Variants in ADAM32 observed in about 807,000 individuals in gnomAD.
ADAM32 encodes ADAM metallopeptidase domain 32.
A neutral mutation model predicts 114.9 loss-of-function variants in ADAM32; 89 were observed. That is an observed-to-expected ratio of 0.77 (90% CI 0.65 to 0.92). The LOEUF is 0.92. Among genes scored for constraint, ADAM32 ranks in the 40% least tolerant of loss-of-function variants. ADAM32 has a pLI of 0.00. For missense variants in ADAM32, 870 were observed against 932.8 expected (o/e 0.93, Z 0.88); for synonymous variants, 285 against 307.5 (o/e 0.93, Z 0.77).
intron 12 of ADAM32, among the ~76,000 whole-genome samples, chr8:39,215,414 C>A (rs555826819): frequency 6.6e-6 from 1 of 151,772 alleles, no homozygotes; most frequent in Non-Finnish European, 1.5e-5. Context: ...AATTCCTAGA[C>A]ATTTTATTTC....
intron 6 of ADAM32, among the ~76,000 whole-genome samples, chr8:39,160,320 C>T (rs541810932): frequency 6.6e-5 from 10 of 152,242 alleles, no homozygotes; most frequent in African/African-American, 2.2e-4. Context: ...GCGGGCGGAT[C>T]GCGAGGTCAG....
chr8:39,282,185 A>G (rs1176600921), intron 23 of ADAM32, among the ~76,000 whole-genome samples: 1 of 152,206 alleles, frequency 6.6e-6, no homozygotes. Context: ...CTGCTCACCT[A>G]GAAGCATTAC....
rs554404455 is a variant in ADAM32, at chr8:39,108,011, C to T, written c.58+178C>T. ...TGGAGAAGCGACTCAGGGCCCAGCA[C>T]CAGGGCTCACGCCTGTAATCCCAGG... On this transcript the variant is annotated intron_variant, in intron 1 of 24. Coordinates refer to ENST00000379907, the MANE Select transcript of ADAM32 (RefSeq NM_145004.7). 47 of 808,610 alleles carry T rather than the reference C, an allele frequency of 5.8e-5. 1 individual carries two copies. The South Asian group carries it at 1.0e-3, about 17-fold the overall frequency. 50.1% of individuals were successfully genotyped at this position (808,610 alleles called of 1,614,324 possible).
intron 12 of ADAM32, among the ~76,000 whole-genome samples, chr8:39,212,770 A>G (rs1351674607): frequency 1.3e-5 from 2 of 152,184 alleles, no homozygotes; most frequent in Non-Finnish European, 2.9e-5. Context: ...AATTTGTAGA[A>G]GTACAACTTC....
chr8:39,194,704 T>G (rs11781014), intron 11 of ADAM32, among the ~76,000 whole-genome samples: 37,514 of 151,740 alleles, frequency 0.25, 5,003 homozygotes, highest in Non-Finnish European at 0.29. Flanking sequence ...CGTGGGAGAG[T>G]CCACCAGTTA....
chr8:39,129,555 G>A (rs1161804980), intron 2 of ADAM32, among the ~76,000 whole-genome samples: 1 of 152,110 alleles, frequency 6.6e-6, no homozygotes, highest in Non-Finnish European at 1.5e-5. Context: ...GATAAATGGT[G>A]TATAATTCTT....
intron 19 of ADAM32, among the ~76,000 whole-genome samples, chr8:39,267,992 C>G (rs1585686232): frequency 6.6e-6 from 1 of 152,120 alleles, no homozygotes; most frequent in African/African-American, 2.4e-5. Context: ...AAGCAGGGTA[C>G]AAAGGACAAG....
chr8:39,221,405 T>G, intron 12 of ADAM32: 1 of 508,634 alleles, frequency 2.0e-6, no homozygotes, highest in Non-Finnish European at 3.5e-6. Context: ...GGAAGGTAAG[T>G]AGGTTACTAG....
chr8:39,135,617 AT>A (rs749127042), intron 2 of ADAM32, among the ~76,000 whole-genome samples: 1 of 152,040 alleles, frequency 6.6e-6, no homozygotes, highest in Non-Finnish European at 1.5e-5. Context: ...TCTACTGTCC[AT>A]TTTGTTCCGG....
At position 39,254,336 on chromosome 8, in the gene ADAM32, T is replaced by A. The variant is rs573093808; in HGVS notation, c.1903-78T>A. 19 of 1,226,188 alleles carry A rather than the reference T, an allele frequency of 1.5e-5. No homozygotes were observed. In the East Asian group the frequency reaches 4.7e-4, roughly 30 times the overall value. 76.0% of individuals were successfully genotyped at this position (1,226,188 alleles called of 1,614,324 possible). On this transcript the variant is annotated intron_variant, in intron 17 of 24. Transcript: ENST00000379907. ...TAAACAAAATTACACTAGATTATGG[T>A]ACAAAAGTAAGCTTGATGCTCACCT...
chr8:39,192,695 G>A (rs1806686155), intron 11 of ADAM32, among the ~76,000 whole-genome samples: 4 of 152,140 alleles, frequency 2.6e-5, no homozygotes. Flanking sequence ...AGGAGCTCTT[G>A]TAAGGCACAT....
intron 16 of ADAM32, among the ~76,000 whole-genome samples, chr8:39,241,014 C>A (rs757035681): frequency 3.9e-5 from 6 of 152,166 alleles, no homozygotes; most frequent in Admixed American, 3.3e-4. Flanking sequence ...TTCCTAGATA[C>A]AATAGGGGTA....
Position 39,152,670 on chromosome 8 carries a change from G to A in ADAM32, c.525+1122G>A, listed in dbSNP as rs915000554. 5.8e-4 allele frequency among the ~76,000 whole-genome samples: 86 copies of A among 148,084 alleles called. 1 individual carries two copies. The highest frequency in any genetic ancestry group is 2.2e-3 in the African/African-American group (82 of 38,106). Reference sequence around the variant, plus strand: ...TGGGAGGTGGAGGTTGCAGTGAGCTGAGATCACACCACTGCACTCCAGCCT... The same window carrying A: ...TGGGAGGTGGAGGTTGCAGTGAGCTAAGATCACACCACTGCACTCCAGCCT... On this transcript the variant is annotated intron_variant, in intron 6 of 24. Transcript: ENST00000379907.
At chr8:39,228,393 G>A (rs116410845) in intron 14 of ADAM32, among the ~76,000 whole-genome samples, 107 of 152,284 alleles carry the variant, frequency 7.0e-4, no homozygotes, top group African/African-American at 2.5e-3. Context: ...GGGAGGCAAT[G>A]GAGAAAGGAG....
intron 19 of ADAM32, among the ~76,000 whole-genome samples, chr8:39,264,989 G>C (rs1812267621): frequency 6.6e-6 from 1 of 152,110 alleles, no homozygotes. Context: ...GTAGATGTCT[G>C]TTAGGTCTAC....
chr8:39,189,691 A>G (rs991901199), intron 11 of ADAM32, among the ~76,000 whole-genome samples: 11 of 152,148 alleles, frequency 7.2e-5, no homozygotes, highest in Non-Finnish European at 1.5e-4. Context: ...CTACTTTGCT[A>G]TTGAACACTA....
intron 10 of ADAM32, among the ~76,000 whole-genome samples, chr8:39,180,495 C>A (rs191070837): frequency 6.6e-6 from 1 of 152,224 alleles, no homozygotes. Flanking sequence ...ATCGACCACC[C>A]GAGGGCTGAG....
chr8:39,124,444 G>T (rs1465556657), intron 2 of ADAM32, among the ~76,000 whole-genome samples: 1 of 147,534 alleles, frequency 6.8e-6, no homozygotes, highest in African/African-American at 2.5e-5. Context: ...TTGAGACGGA[G>T]TCTTGCTCTG....
chr8:39,139,014 T>G (rs566831523), intron 3 of ADAM32, among the ~76,000 whole-genome samples: 1 of 152,356 alleles, frequency 6.6e-6, no homozygotes, highest in East Asian at 1.9e-4. Context: ...CACTTTTTCA[T>G]GGGGTTGTTT....
Sources: allele counts gnomAD v4.1 joint callset (sites outside exome capture counted in the v4.1 genomes callset), GRCh38; gene constraint gnomAD v4.1.1; transcripts MANE v1.5; gene names NCBI Gene and HGNC (gene_info 2026-07-23, HGNC 2026-07-21).